The following CD33 variants were observed in gnomAD, a reference collection of about 807,000 sequenced individuals.
The protein encoded by CD33 is CD33 molecule.
A neutral mutation model predicts 31.4 loss-of-function variants in CD33; 25 were observed. The ratio of observed to expected loss-of-function variants is 0.80; its 90% CI spans 0.58 to 1.11. CD33 has a LOEUF of 1.11. Among genes scored for constraint, CD33 ranks in the 50% most tolerant of loss-of-function variants. The pLI, the probability that CD33 is intolerant of heterozygous loss-of-function variation, is 0.00. For missense variants in CD33, 407 were observed against 448.1 expected (o/e 0.91, Z 0.83); for synonymous variants, 176 against 180.6 (o/e 0.97, Z 0.20).
chr19:51,224,254 CA>C (rs1376399747), upstream of CD33, among the ~76,000 whole-genome samples: 2 of 152,184 alleles, frequency 1.3e-5, no homozygotes, highest in African/African-American at 4.8e-5. Context: ...CATCTTTCTG[CA>C]GCTACAGGCA....
At chr19:51,219,418 T>G in the CD33 span, among the ~76,000 whole-genome samples, 1 of 152,216 alleles carries the variant, frequency 6.6e-6, no homozygotes, top group Admixed American at 6.5e-5. Context: ...AGGAGTCTTT[T>G]GAAGGAGTCC....
At chr19:51,231,325 T>G (rs1981392147) in intron 4 of CD33, among the ~76,000 whole-genome samples, 1 of 152,258 alleles carries the variant, frequency 6.6e-6, no homozygotes, top group Non-Finnish European at 1.5e-5. Flanking sequence ...GGACTCACTT[T>G]ATGTACTATT....
chr19:51,214,475 C>T, the CD33 span, among the ~76,000 whole-genome samples: 20 of 152,232 alleles, frequency 1.3e-4, no homozygotes, highest in Non-Finnish European at 2.4e-4. Flanking sequence ...GGATTACAGG[C>T]GTGAGCCACT....
chr19:51,226,418 A>G, intron 4 of CD33, 62 bp downstream of exon 4: 1 of 1,450,108 alleles, frequency 6.9e-7, no homozygotes, highest in Non-Finnish European at 9.7e-7. Flanking sequence ...AGGTTTGGTC[A>G]GATCTGGACT....
the CD33 span, chr19:51,211,810 G>A: frequency 5.5e-6 from 5 of 907,904 alleles, no homozygotes; most frequent in African/African-American, 1.6e-5. Flanking sequence ...CACAGGCCCA[G>A]CATCTTCATC....
In CD33 at chr19:51,226,349, T is replaced by C. The variant is rs773835582; in HGVS notation, c.738T>C (p.Asp246=). 1.2e-5 allele frequency: 19 copies of C among 1,613,750 alleles called. No homozygotes were observed. In the Admixed American group the frequency reaches 3.2e-4, roughly 27 times the overall value. Residue 246 remains aspartate, a synonymous_variant, in exon 4 of 7, where the codon GAT becomes GAC. Transcript: ENST00000262262. ...CAACAACTGGTATCTTTCCAGGAGA[T>C]GGCTCAGGTAGGAAGGAGCCTCCCC... The part of the protein sequence containing the change: ...QNPTTGIFPG[D]GSGKQETRAG...
At chr19:51,219,171 T>C in the CD33 span, among the ~76,000 whole-genome samples, 2 of 152,226 alleles carry the variant, frequency 1.3e-5, no homozygotes, top group East Asian at 3.8e-4. Flanking sequence ...ATGCTCCATT[T>C]TTCCATTCAT....
At chr19:51,222,633 G>A (rs77325682), upstream of CD33, among the ~76,000 whole-genome samples, 1,166 of 152,232 alleles carry the variant, frequency 7.7e-3, 8 homozygotes, top group South Asian at 0.034. Context: ...CACATCTCTA[G>A]GAGATTTTCA....
chr19:51,216,221 CGAGT>C, the CD33 span, among the ~76,000 whole-genome samples: 4,528 of 140,610 alleles, frequency 0.032, 266 homozygotes, highest in African/African-American at 0.11. Flanking sequence ...AAATGTCACC[CGAGT>C]GTGTGTGTGT....
chr19:51,213,360 TTTTAATC>T, the CD33 span, among the ~76,000 whole-genome samples: 4 of 152,174 alleles, frequency 2.6e-5, no homozygotes, highest in Non-Finnish European at 4.4e-5. Context: ...TTTCAGAACA[TTTTAATC>T]ACTCAAAAAA....
chr19:51,225,025 T>C, upstream of CD33: 1 of 1,502,674 alleles, frequency 6.7e-7, no homozygotes. Context: ...CTCCTGCTCC[T>C]CCCCAGCTTC....
chr19:51,230,681 G>A (rs896396446), intron 4 of CD33, among the ~76,000 whole-genome samples: 9 of 152,242 alleles, frequency 5.9e-5, no homozygotes, highest in African/African-American at 2.2e-4. Context: ...AGCTATTCCT[G>A]CTTCCTTTCA....
upstream of CD33, among the ~76,000 whole-genome samples, chr19:51,223,807 A>G (rs1458114262): frequency 6.6e-6 from 1 of 152,234 alleles, no homozygotes. Flanking sequence ...GTGCCAGGGG[A>G]AAATTCTATA....
Position 51,225,373 on chromosome 19 carries a change from G to A in CD33, c.193G>A (p.Ala65Thr), listed in dbSNP as rs115684563. 1.7e-5 allele frequency: 27 copies of A among 1,614,198 alleles called. No individual in the cohort carries two copies. The South Asian group carries it at 2.5e-4, about 15-fold the overall frequency. The change falls in exon 2 of 7, where the codon GCC becomes ACC. Residue 65 changes from alanine to threonine, a missense_variant. Coordinates refer to ENST00000262262, the MANE Select transcript of CD33 (RefSeq NM_001772.4). ...TCATGGTTACTGGTTCCGGGAAGGA[G>A]CCATTATATCCAGGGACTCTCCAGT... ...PVHGYWFREGAIISRDSPVAT... is the reference protein window; with the variant it reads ...PVHGYWFREGTIISRDSPVAT...
At chr19:51,211,825 G>A in the CD33 span, 1 of 992,614 alleles carries the variant, frequency 1.0e-6, no homozygotes, top group Non-Finnish European at 1.6e-6. Flanking sequence ...TTCATCCCGA[G>A]GACCCTGGAA....
upstream of CD33, among the ~76,000 whole-genome samples, chr19:51,224,398 C>T (rs1042134935): frequency 1.3e-5 from 2 of 152,098 alleles, no homozygotes; most frequent in African/African-American, 4.8e-5. Context: ...AGAGACTCTC[C>T]CCCTACCTCC....
the CD33 span, among the ~76,000 whole-genome samples, chr19:51,216,878 C>T: frequency 6.6e-6 from 1 of 152,134 alleles, no homozygotes; most frequent in East Asian, 1.9e-4. Flanking sequence ...AGGAAGCAGG[C>T]TCTGTGTGTA....
chr19:51,213,463 C>A, the CD33 span, among the ~76,000 whole-genome samples: 5 of 152,148 alleles, frequency 3.3e-5, no homozygotes, highest in Admixed American at 3.3e-4. Context: ...GTTTGGGTTG[C>A]AATTTCTCCA....
At chr19:51,218,661 T>G in the CD33 span, among the ~76,000 whole-genome samples, 1 of 152,198 alleles carries the variant, frequency 6.6e-6, no homozygotes, top group Non-Finnish European at 1.5e-5. Flanking sequence ...GTTTCAGGTC[T>G]TACATCTAAG....
Sources: allele counts gnomAD v4.1 joint callset (sites outside exome capture counted in the v4.1 genomes callset), GRCh38; gene constraint gnomAD v4.1.1; transcripts MANE v1.5; gene names NCBI Gene and HGNC (gene_info 2026-07-23, HGNC 2026-07-21).